Variants in SLC38A1 observed in about 807,000 individuals in gnomAD.
The protein encoded by SLC38A1 is solute carrier family 38 member 1, also known as sodium-coupled neutral amino acid symporter 1.
In SLC38A1, 18 loss-of-function variants were observed where a neutral mutation model predicts 60.3. The ratio of observed to expected loss-of-function variants is 0.30; its 90% CI spans 0.21 to 0.44. The LOEUF (loss-of-function observed/expected upper bound fraction) is 0.44. Ranked by LOEUF, SLC38A1 falls within the 20% of genes least tolerant of loss-of-function variation. SLC38A1 has a pLI of 1.00. For synonymous variants in SLC38A1, 196 were observed against 212.1 expected (o/e 0.92, Z 0.66); for missense variants, 448 against 587.2 (o/e 0.76, Z 2.45).
intron 8 of SLC38A1, among the ~76,000 whole-genome samples, chr12:46,206,878 A>G (rs2137196607): frequency 6.6e-6 from 1 of 152,270 alleles, no homozygotes. Context: ...GTTCTATTTC[A>G]CAGAAACTAG....
At chr12:46,220,265 T>C (rs1222904935) in intron 5 of SLC38A1, among the ~76,000 whole-genome samples, 11 of 152,250 alleles carry the variant, frequency 7.2e-5, no homozygotes. Flanking sequence ...TTGGCAAGCC[T>C]GAATGTGCCA....
intron 9 of SLC38A1, 108 bp downstream of exon 9, chr12:46,205,972 C>T (rs1002672832): frequency 3.2e-6 from 2 of 616,314 alleles, no homozygotes; most frequent in East Asian, 2.8e-5. Flanking sequence ...TGTACTTAAT[C>T]TTTGAGTGCA....
chr12:46,204,328 C>G lies in SLC38A1; in HGVS notation c.795G>C (p.Thr265=). 3 of 1,611,306 alleles carry G rather than the reference C, an allele frequency of 1.9e-6. No individual in the cohort carries two copies. The highest frequency in any genetic ancestry group is 2.5e-6 in the Non-Finnish European group (3 of 1,177,638). Residue 265 remains threonine, a synonymous_variant, in exon 11 of 17, where the codon ACG becomes ACC. Coordinates refer to ENST00000398637, the MANE Select transcript of SLC38A1 (RefSeq NM_030674.4). ...SANSTNADTC[T]PKYVTFNSKT... ...TTGAATTGAAGGTAACATATTTTGGCGTACACGTGTCAGCATTTGTTGAAT... is the reference window on the plus strand; with the variant it reads ...TTGAATTGAAGGTAACATATTTTGGGGTACACGTGTCAGCATTTGTTGAAT...
At chr12:46,254,979 C>G (rs1299271373) in intron 1 of SLC38A1, 1 of 152,206 alleles carries the variant, frequency 6.6e-6, no homozygotes, top group Non-Finnish European at 1.5e-5. Flanking sequence ...TAAGCAAAGT[C>G]AAAAAGATTA....
intron 1 of SLC38A1, among the ~76,000 whole-genome samples, chr12:46,266,764 T>C (rs896417741): frequency 2.6e-5 from 4 of 152,128 alleles, no homozygotes; most frequent in African/African-American, 9.7e-5. Context: ...AAAATGTTTA[T>C]TGGCCACATT....
Position 46,239,686 on chromosome 12 carries a change from T to C in SLC38A1, c.115A>G (p.Ile39Val), listed in dbSNP as rs1011669499. Residue 39 changes from isoleucine to valine, a missense_variant, in exon 3 of 17, where the codon ATA (isoleucine) becomes GTA (valine). By Grantham distance (29) the Ile-to-Val change is conservative. Transcript: ENST00000398637. ...TAGTGGAAAAATACTCACCTATTTA[T>C]CTGACCATTTTCTACTTCGGTGAAA... ...NDFTEVENGQ[I>V]NSKFISDRES... The C allele has an allele frequency of 2.5e-6, 4 of 1,613,762 alleles. No homozygotes were observed. Among genetic ancestry groups the C allele is most frequent in the Non-Finnish European group, 3.4e-6 (4 of 1,179,948 alleles).
At chr12:46,207,999 G>A (rs59536221) in intron 6 of SLC38A1, among the ~76,000 whole-genome samples, 1 of 152,236 alleles carries the variant, frequency 6.6e-6, no homozygotes, top group African/African-American at 2.4e-5. Context: ...GATCCTAATA[G>A]TTGAAACAAA....
In SLC38A1 at chr12:46,188,237, C is replaced by A. The variant is rs890229024; in HGVS notation, c.*733G>T. 6 of 152,182 alleles carry A rather than the reference C, an allele frequency of 3.9e-5. No homozygotes were observed. The highest frequency in any genetic ancestry group is 8.8e-5 in the Non-Finnish European group (6 of 68,036). 9.4% of individuals were successfully genotyped at this position (152,182 alleles called of 1,614,324 possible). On this transcript the variant is annotated 3_prime_UTR_variant, in exon 17 of 17. Transcript: ENST00000398637. The stretch of plus-strand genomic sequence containing the variant: ...AAAAATACTTCATTTGCTAGATTAC[C>A]CAAATGTGTAGCTTCATTTAATTAC...
At chr12:46,214,339 A>G (rs574862089) in intron 5 of SLC38A1, among the ~76,000 whole-genome samples, 1 of 152,344 alleles carries the variant, frequency 6.6e-6, no homozygotes, top group Admixed American at 6.5e-5. Context: ...TGCTGCAAGA[A>G]AATTTTGACT....
chr12:46,246,379 C>T (rs955784680), intron 1 of SLC38A1, among the ~76,000 whole-genome samples: 13 of 152,366 alleles, frequency 8.5e-5, no homozygotes, highest in African/African-American at 3.1e-4. Context: ...CGGCAGGTCC[C>T]ATGCCCACAG....
intron 16 of SLC38A1, among the ~76,000 whole-genome samples, chr12:46,189,334 G>C (rs921711431): frequency 6.6e-6 from 1 of 151,700 alleles, no homozygotes; most frequent in African/African-American, 2.4e-5. Flanking sequence ...GTCACCTCAA[G>C]TGTATGTATC....
intron 5 of SLC38A1, among the ~76,000 whole-genome samples, chr12:46,213,198 A>T (rs1565765251): frequency 2.0e-5 from 3 of 152,192 alleles, no homozygotes; most frequent in Admixed American, 6.5e-5. Context: ...TCTGAGTCAG[A>T]CATCTTTCTT....
intron 1 of SLC38A1, among the ~76,000 whole-genome samples, chr12:46,265,053 C>T (rs768381175): frequency 1.3e-5 from 2 of 152,202 alleles, no homozygotes; most frequent in Non-Finnish European, 2.9e-5. Flanking sequence ...TCTCTCCCTC[C>T]TCTGGTAGAT....
chr12:46,238,970 A>G (rs1157694769), intron 3 of SLC38A1: 1 of 152,254 alleles, frequency 6.6e-6, no homozygotes, highest in African/African-American at 2.4e-5. Flanking sequence ...AGTTTAACAC[A>G]GATTCATTAG....
At chr12:46,221,293 T>C (rs1353671906) in intron 5 of SLC38A1, among the ~76,000 whole-genome samples, 10 of 152,052 alleles carry the variant, frequency 6.6e-5, no homozygotes, top group Admixed American at 6.6e-4. Flanking sequence ...TAACTGACAA[T>C]GACAATTACT....
At chr12:46,242,672 C>T (rs11183408) in intron 2 of SLC38A1, among the ~76,000 whole-genome samples, 361 of 152,190 alleles carry the variant, frequency 2.4e-3, no homozygotes, top group African/African-American at 8.0e-3. Context: ...GTGTGTAGCA[C>T]GTGCCTGTGG....
At chr12:46,190,484 A>G (rs1939101598) in intron 16 of SLC38A1, among the ~76,000 whole-genome samples, 1 of 152,166 alleles carries the variant, frequency 6.6e-6, no homozygotes, top group Non-Finnish European at 1.5e-5. Flanking sequence ...TGGTATTTCT[A>G]GTTCTGGATC....
At chr12:46,235,857 A>G (rs1941241345) in intron 3 of SLC38A1, among the ~76,000 whole-genome samples, 1 of 152,246 alleles carries the variant, frequency 6.6e-6, no homozygotes, top group South Asian at 2.1e-4. Flanking sequence ...AAGTATACAG[A>G]AAGAACAATA....
chr12:46,261,780 A>C (rs1232015910), intron 1 of SLC38A1, among the ~76,000 whole-genome samples: 1 of 152,212 alleles, frequency 6.6e-6, no homozygotes, highest in Non-Finnish European at 1.5e-5. Context: ...TCTTGGCATG[A>C]TTTCTAAAAG....
Sources: allele counts gnomAD v4.1 joint callset (sites outside exome capture counted in the v4.1 genomes callset), GRCh38; gene constraint gnomAD v4.1.1; transcripts MANE v1.5; gene names NCBI Gene and HGNC (gene_info 2026-07-23, HGNC 2026-07-21).